The following CSMD1 variants were observed in gnomAD, a reference collection of about 807,000 sequenced individuals.
The protein encoded by CSMD1 is CUB and Sushi multiple domains 1.
CSMD1 carries 213 observed loss-of-function variants against 417.5 expected under a neutral mutation model. That is an observed-to-expected ratio of 0.51 (90% CI 0.46 to 0.57). CSMD1 has a LOEUF of 0.57. CSMD1 is among the 20% of genes least tolerant of loss of function. The pLI, the probability that CSMD1 is intolerant of heterozygous loss-of-function variation, is 0.00. For synonymous variants in CSMD1, 2,862 were observed against 1,736.8 expected (o/e 1.65, Z -16.11); for missense variants, 6,923 against 4,529.7 (o/e 1.53, Z -15.17).
chr8:3,649,716 C>G (rs975289501), intron 7 of CSMD1, among the ~76,000 whole-genome samples: 3 of 152,114 alleles, frequency 2.0e-5, no homozygotes, highest in Admixed American at 2.0e-4. Flanking sequence ...GATTATAATT[C>G]AAGATGAGAT....
In CSMD1 at chr8:4,079,244, T is replaced by C. The variant is rs114893356; in HGVS notation, c.416-47145A>G. 5.3e-3 allele frequency among the ~76,000 whole-genome samples: 813 copies of C among 152,270 alleles called. 7 individuals carry two copies. Among genetic ancestry groups the C allele is most frequent in the African/African-American group, 0.019 (773 of 41,554 alleles). On this transcript the variant is annotated intron_variant, in intron 3 of 69. Transcript: ENST00000635120. ...TGGGAAACAACTGAATGAGTAGATA[T>C]AGCCCATGGAGAATAAAGTATAGGA...
chr8:3,717,426 C>A (rs568656327), intron 6 of CSMD1, among the ~76,000 whole-genome samples: 4 of 130,192 alleles, frequency 3.1e-5, no homozygotes, highest in African/African-American at 1.0e-4. Context: ...CCATGAAATG[C>A]TTTTTTTATC....
At chr8:3,190,956 T>C (rs1225783202) in intron 33 of CSMD1, among the ~76,000 whole-genome samples, 1 of 152,176 alleles carries the variant, frequency 6.6e-6, no homozygotes, top group Admixed American at 6.5e-5. Flanking sequence ...TGGTAGTTAC[T>C]GGGGGCTGGG....
At chr8:3,628,860 T>G (rs984359610) in intron 7 of CSMD1, among the ~76,000 whole-genome samples, 1 of 134,490 alleles carries the variant, frequency 7.4e-6, no homozygotes, top group African/African-American at 2.7e-5. Flanking sequence ...GTAACCCAAA[T>G]AATCTAAGTT....
chr8:3,304,315 T>C (rs1433801129), intron 25 of CSMD1, among the ~76,000 whole-genome samples: 1 of 152,112 alleles, frequency 6.6e-6, no homozygotes, highest in East Asian at 1.9e-4. Flanking sequence ...AAATAAGACT[T>C]AGTAACCATG....
At position 3,977,629 on chromosome 8, in the gene CSMD1, C is replaced by A. The variant is rs183488760; in HGVS notation, c.818+20274G>T. On this transcript the variant is annotated intron_variant, in intron 5 of 69. Coordinates refer to ENST00000635120, the MANE Select transcript of CSMD1 (RefSeq NM_033225.6). ...AAGTGAGTGCTAAGAAGAGCATTGC[C>A]ACTCTTGAGAGAAATCTGGAACCTT... Among the ~76,000 whole-genome samples the A allele has an allele frequency of 1.9e-3, 286 of 152,288 alleles. 1 individual carries two copies. The highest frequency in any genetic ancestry group is 3.5e-3 in the Non-Finnish European group (241 of 68,022).
intron 2 of CSMD1, among the ~76,000 whole-genome samples, chr8:4,446,127 T>G (rs1418264467): frequency 1.3e-5 from 2 of 152,178 alleles, no homozygotes; most frequent in Non-Finnish European, 2.9e-5. Flanking sequence ...GTTGTTACAT[T>G]CGTTACATAC....
intron 5 of CSMD1, among the ~76,000 whole-genome samples, chr8:3,838,651 AG>A (rs1260070430): frequency 2.4e-5 from 3 of 123,670 alleles, no homozygotes; most frequent in Non-Finnish European, 4.7e-5. Flanking sequence ...AATATTATAT[AG>A]TATAATATAT....
intron 1 of CSMD1, among the ~76,000 whole-genome samples, chr8:4,896,175 C>G (rs1804467520): frequency 1.3e-5 from 2 of 152,022 alleles, no homozygotes; most frequent in Admixed American, 6.5e-5. Context: ...TTTCCTTTGT[C>G]TTTCATATTC....
intron 49 of CSMD1, among the ~76,000 whole-genome samples, chr8:3,077,215 A>C (rs1813747252): frequency 6.6e-6 from 1 of 151,180 alleles, no homozygotes; most frequent in African/African-American, 2.5e-5. Context: ...GGTGAGAACC[A>C]TTGGTCATGG....
At chr8:4,125,712 G>C (rs751883906) in intron 3 of CSMD1, among the ~76,000 whole-genome samples, 1 of 152,116 alleles carries the variant, frequency 6.6e-6, no homozygotes, top group Non-Finnish European at 1.5e-5. Context: ...AACTAAATTT[G>C]CGAAGGAATT....
chr8:3,290,262 A>G (rs1803451805), intron 25 of CSMD1, among the ~76,000 whole-genome samples: 5 of 147,236 alleles, frequency 3.4e-5, no homozygotes, highest in Admixed American at 3.3e-4. Flanking sequence ...AGGTAGCGTG[A>G]TGCCTCCAGC....
chr8:3,642,050 A>T (rs537732951), intron 7 of CSMD1, among the ~76,000 whole-genome samples: 1 of 152,246 alleles, frequency 6.6e-6, no homozygotes, highest in South Asian at 2.1e-4. Flanking sequence ...ATCACCTGGA[A>T]CTTCTACTTC....
chr8:4,881,633 AT>A (rs1312471963), intron 1 of CSMD1, among the ~76,000 whole-genome samples: 2 of 151,900 alleles, frequency 1.3e-5, no homozygotes, highest in African/African-American at 4.8e-5. Context: ...AAATTTGGAA[AT>A]AAAAAACTAT....
At chr8:3,524,616 TAC>T in intron 10 of CSMD1, among the ~76,000 whole-genome samples, 1 of 133,720 alleles carries the variant, frequency 7.5e-6, no homozygotes, top group South Asian at 2.4e-4. Context: ...CACATGCACA[TAC>T]ACACATGCAC....
At chr8:4,783,134 A>C (rs1797234774) in intron 1 of CSMD1, among the ~76,000 whole-genome samples, 1 of 152,238 alleles carries the variant, frequency 6.6e-6, no homozygotes, top group African/African-American at 2.4e-5. Flanking sequence ...TGTCATATGT[A>C]ATCAGCAAAT....
intron 1 of CSMD1, among the ~76,000 whole-genome samples, chr8:4,662,868 G>T (rs777629319): frequency 4.3e-4 from 66 of 152,160 alleles, no homozygotes; most frequent in Non-Finnish European, 8.1e-4. Context: ...GGAAACGCGG[G>T]TGACAGTGTT....
chr8:3,462,702 T>C (rs1312979203), intron 12 of CSMD1, among the ~76,000 whole-genome samples: 3 of 152,172 alleles, frequency 2.0e-5, no homozygotes, highest in Admixed American at 2.0e-4. Flanking sequence ...GTAAATGCAA[T>C]GCACTTCAGT....
chr8:3,787,716 T>C (rs189124591), intron 5 of CSMD1, among the ~76,000 whole-genome samples: 108 of 152,220 alleles, frequency 7.1e-4, no homozygotes, highest in Non-Finnish European at 1.4e-3. Flanking sequence ...AAATTTACAT[T>C]ACATTTGTAA....
Sources: allele counts gnomAD v4.1 joint callset (sites outside exome capture counted in the v4.1 genomes callset), GRCh38; gene constraint gnomAD v4.1.1; transcripts MANE v1.5; gene names NCBI Gene and HGNC (gene_info 2026-07-23, HGNC 2026-07-21).